Variants in RBM27 observed in about 807,000 individuals in gnomAD.
RBM27 encodes RNA-binding protein 27.
A neutral mutation model predicts 135.3 loss-of-function variants in RBM27; 22 were observed. The observed-to-expected ratio is 0.16, with a 90% CI of 0.12 to 0.23. The LOEUF is 0.23. Among genes scored for constraint, RBM27 ranks in the 10% least tolerant of loss-of-function variants. RBM27 has a pLI of 1.00. For missense variants in RBM27, 1,009 were observed against 1,281.0 expected (o/e 0.79, Z 3.24); for synonymous variants, 481 against 442.4 (o/e 1.09, Z -1.10).
At position 146,288,140 on chromosome 5, in the gene RBM27, A is replaced by T. The variant is rs1278357567; in HGVS notation, c.*2110A>T. 6.6e-6 allele frequency: 1 copy of T among 152,020 alleles called. No homozygotes were observed. Among genetic ancestry groups the T allele is most frequent in the Non-Finnish European group, 1.5e-5 (1 of 67,948 alleles). The allele number at this position is 152,020 out of a possible 1,614,324, so 9.4% of individuals were successfully genotyped here. On this transcript the variant is annotated 3_prime_UTR_variant, in exon 21 of 21. Coordinates refer to ENST00000265271, the MANE Select transcript of RBM27 (RefSeq NM_018989.2). ...TGTATTTTTGTATTTGGAAACTGAA[A>T]ATTACAGTAAATAAATGGAACTCTA...
chr5:146,249,629 G>A (rs776457371), intron 8 of RBM27, among the ~76,000 whole-genome samples: 17 of 146,666 alleles, frequency 1.2e-4, no homozygotes, highest in Non-Finnish European at 2.2e-4. Context: ...AGAGGTCGCC[G>A]TGAGCCCAGA....
chr5:146,231,897 G>A (rs1330800159), intron 6 of RBM27, among the ~76,000 whole-genome samples: 1 of 152,308 alleles, frequency 6.6e-6, no homozygotes, highest in African/African-American at 2.4e-5. Flanking sequence ...TTACAGGTGT[G>A]AGCCACCATG....
intron 12 of RBM27, 124 bp from the exon 13 acceptor site, chr5:146,261,386 A>G (rs2126853156): frequency 1.3e-6 from 1 of 794,870 alleles, no homozygotes; most frequent in Non-Finnish European, 2.0e-6. Flanking sequence ...CTAAAACAGT[A>G]ATGTTGGAGT....
At chr5:146,215,525 T>A (rs1053742425) in intron 1 of RBM27, among the ~76,000 whole-genome samples, 4 of 152,190 alleles carry the variant, frequency 2.6e-5, no homozygotes, top group Non-Finnish European at 5.9e-5. Flanking sequence ...TCCATTCTTA[T>A]TTATTTTTCT....
At chr5:146,246,153 A>G (rs2963928) in intron 8 of RBM27, among the ~76,000 whole-genome samples, 152,243 of 152,282 alleles carry the variant, frequency 1, 76,102 homozygotes, top group Middle Eastern at 1. Flanking sequence ...TATTCTAATC[A>G]AGAAGACACA....
chr5:146,231,643 G>A (rs1022452490), intron 6 of RBM27, among the ~76,000 whole-genome samples: 24 of 151,254 alleles, frequency 1.6e-4, no homozygotes, highest in Admixed American at 1.3e-3. Context: ...TTTTGGAGAC[G>A]GACTTGCTCT....
At chr5:146,263,906 A>G (rs1758501211) in intron 14 of RBM27, among the ~76,000 whole-genome samples, 1 of 151,396 alleles carries the variant, frequency 6.6e-6, no homozygotes, top group Admixed American at 6.6e-5. Context: ...GGAGTTTGAG[A>G]CCAGCCTGGC....
chr5:146,229,928 C>T lies in RBM27; in HGVS notation c.589+18C>T, dbSNP rs1756859691. ...GAATGTTGGTGAGTAGATGAGTGTC[C>T]CCCTAAAAACTCTGTAGTTATTTAT... On this transcript the variant is annotated intron_variant, in intron 5 of 20. Transcript: ENST00000265271. The T allele has an allele frequency of 6.2e-7, 1 of 1,612,254 alleles. No individual in the cohort carries two copies. Among genetic ancestry groups the T allele is most frequent in the Non-Finnish European group, 8.5e-7 (1 of 1,178,910 alleles).
At position 146,285,975 on chromosome 5, in the gene RBM27, CTGA is replaced by C. The variant is rs749137897; in HGVS notation, c.3135_3137del (p.Asp1047del). On this transcript the variant is annotated inframe_deletion, in exon 21 of 21. Transcript: ENST00000265271. ...ACAGAAACCTCAGATTTGTTTTTGCCTGATGATGACGATGAAGATGAAGATGAA... is the reference window on the plus strand; with the variant it reads ...ACAGAAACCTCAGATTTGTTTTTGCCTGATGACGATGAAGATGAAGATGAA... 6.2e-7 allele frequency: 1 copy of C among 1,612,466 alleles called. No homozygotes were observed. The highest frequency in any genetic ancestry group is 8.5e-7 in the Non-Finnish European group (1 of 1,179,180).
At chr5:146,273,884 A>G (rs905568642) in intron 19 of RBM27, among the ~76,000 whole-genome samples, 2 of 152,266 alleles carry the variant, frequency 1.3e-5, no homozygotes, top group African/African-American at 2.4e-5. Context: ...TAAGTGGATT[A>G]TGGTCGTATG....
intron 1 of RBM27, among the ~76,000 whole-genome samples, chr5:146,216,093 G>T (rs1756180943): frequency 6.6e-6 from 1 of 152,090 alleles, no homozygotes; most frequent in Non-Finnish European, 1.5e-5. Context: ...GTCTTGCTCT[G>T]TTGCCCATGC....
At chr5:146,209,979 C>T (rs13171939) in intron 1 of RBM27, among the ~76,000 whole-genome samples, 57,518 of 151,992 alleles carry the variant, frequency 0.38, 11,422 homozygotes, top group African/African-American at 0.48. Context: ...CAGAAGTTGC[C>T]TTTTTAGCCC....
At chr5:146,231,679 A>G (rs1252105245) in intron 6 of RBM27, among the ~76,000 whole-genome samples, 1 of 152,004 alleles carries the variant, frequency 6.6e-6, no homozygotes, top group Non-Finnish European at 1.5e-5. Flanking sequence ...GTGCAGTGGC[A>G]CAATCTCGGC....
In RBM27 at chr5:146,284,652, C is replaced by G. The variant is rs199579077; in HGVS notation, c.3019C>G (p.Arg1007Gly). ...AAACCAAGGGCCAAAATTTAAAGACCGTCGGCTACAGATATCATGGCACAA... is the reference window on the plus strand; with the variant it reads ...AAACCAAGGGCCAAAATTTAAAGACGGTCGGCTACAGATATCATGGCACAA... ...TANQGPKFKD[R>G]RLQISWHKPK... The change falls in exon 20 of 21, where the codon CGT (arginine) becomes GGT (glycine). Residue 1007 changes from arginine to glycine, a missense_variant. Arg to Gly is a moderately radical substitution (Grantham distance 125). Around this residue, in one of 6 missense-constraint regions of RBM27, gnomAD observed 355 missense variants for 427.3 expected, o/e 0.83. Coordinates refer to ENST00000265271, the MANE Select transcript of RBM27 (RefSeq NM_018989.2). The G allele has an allele frequency of 5.6e-6, 9 of 1,612,220 alleles. No homozygotes were observed. Among genetic ancestry groups the G allele is most frequent in the Admixed American group, 1.7e-5 (1 of 59,828 alleles).
At chr5:146,251,680 C>T in intron 8 of RBM27, 31 bp from the exon 9 acceptor site, 1 of 1,560,808 alleles carries the variant, frequency 6.4e-7, no homozygotes, top group Non-Finnish European at 8.8e-7. Flanking sequence ...GACTCTCATT[C>T]CCAGCTGCCC....
intron 19 of RBM27, among the ~76,000 whole-genome samples, chr5:146,275,475 C>G (rs930682915): frequency 2.0e-5 from 3 of 151,920 alleles, no homozygotes; most frequent in Admixed American, 6.6e-5. Flanking sequence ...ACCATGTTGG[C>G]CAGCCTGGTC....
At chr5:146,235,823 G>T (rs1480199526) in intron 7 of RBM27, among the ~76,000 whole-genome samples, 1 of 152,058 alleles carries the variant, frequency 6.6e-6, no homozygotes, top group Non-Finnish European at 1.5e-5. Context: ...GAGTAGCTGG[G>T]ACTACAGGCG....
chr5:146,237,042 G>C (rs1442765294), intron 7 of RBM27, among the ~76,000 whole-genome samples: 1 of 146,830 alleles, frequency 6.8e-6, no homozygotes, highest in Non-Finnish European at 1.5e-5. Flanking sequence ...AGGTTCAAGC[G>C]ATTCTCCTGC....
intron 19 of RBM27, among the ~76,000 whole-genome samples, chr5:146,279,633 C>A (rs1305755637): frequency 6.6e-6 from 1 of 151,324 alleles, no homozygotes; most frequent in Non-Finnish European, 1.5e-5. Context: ...CATGGCAAAA[C>A]CCTATCTCAA....
Sources: gnomAD v4.1 joint callset for allele counts (sites outside exome capture counted in the v4.1 genomes callset) on GRCh38, gnomAD v4.1.1 for gene constraint, gnomAD v4.1.1 regional missense constraint, MANE v1.5 for transcripts, NCBI Gene and HGNC (gene_info 2026-07-23, HGNC 2026-07-21) for gene names.